The following FGGY variants were observed in gnomAD, a reference collection of about 807,000 sequenced individuals.
The protein encoded by FGGY is FGGY carbohydrate kinase domain-containing protein.
Under a neutral mutation model 71.3 loss-of-function variants are expected in FGGY, and 72 were observed. That is an observed-to-expected ratio of 1.01 (90% CI 0.84 to 1.23). FGGY has a LOEUF of 1.23. FGGY is among the 50% of genes most tolerant of loss of function. The probability of loss-of-function intolerance (pLI) is 0.00; values close to 1 mark genes in which losing one functional copy is unlikely to be tolerated. For synonymous variants in FGGY, 251 were observed against 250.3 expected, an observed-to-expected ratio of 1.00 and a Z score of -0.02; for missense variants, 668 against 682.3, an observed-to-expected ratio of 0.98 and a Z score of 0.23.
At position 59,653,327 on chromosome 1, in the gene FGGY, C is replaced by T. The variant is rs1434010385; in HGVS notation, c.1222-6892C>T. On this transcript the variant is annotated intron_variant, in intron 11 of 15. Transcript: ENST00000303721. ...CTTTGTTTACCTAAGCAAGCCTGGG[C>T]AATGGCGGGCGCCCCTCCCCCAGCC... is the stretch of plus-strand genomic sequence containing the variant. 3.3e-5 allele frequency among the ~76,000 whole-genome samples: 5 copies of T among 152,340 alleles called. No individual in the cohort carries two copies. The South Asian group carries it at 6.2e-4, about 19-fold the overall frequency.
intron 13 of FGGY, among the ~76,000 whole-genome samples, chr1:59,672,710 G>A (rs986143245): frequency 1.3e-5 from 2 of 152,206 alleles, no homozygotes; most frequent in Admixed American, 1.3e-4. Context: ...GGGATGTAGA[G>A]AGAGTGTCTT....
intron 1 of FGGY, among the ~76,000 whole-genome samples, chr1:59,306,781 G>A (rs1488427640): frequency 1.3e-5 from 2 of 152,226 alleles, no homozygotes; most frequent in Non-Finnish European, 2.9e-5. Flanking sequence ...AGTGACATAT[G>A]TATAGAGTGC....
chr1:59,570,668 C>T (rs1198644170), intron 8 of FGGY, among the ~76,000 whole-genome samples: 7 of 152,070 alleles, frequency 4.6e-5, no homozygotes, highest in Non-Finnish European at 2.9e-5. Context: ...CACACCAGGA[C>T]GCAACAGGAA....
At chr1:59,352,160 T>C (rs935699200) in intron 4 of FGGY, among the ~76,000 whole-genome samples, 1 of 152,168 alleles carries the variant, frequency 6.6e-6, no homozygotes, top group African/African-American at 2.4e-5. Context: ...CAAATGTAAA[T>C]TAAGTTCTGT....
At chr1:59,617,411 T>TA (rs908757758) in intron 9 of FGGY, among the ~76,000 whole-genome samples, 53 of 152,180 alleles carry the variant, frequency 3.5e-4, no homozygotes, top group African/African-American at 1.2e-3. Context: ...TTTGTATTTT[T>TA]AAAAAAAATC....
At chr1:59,537,204 C>T (rs1157863038) in intron 7 of FGGY, among the ~76,000 whole-genome samples, 3 of 151,648 alleles carry the variant, frequency 2.0e-5, no homozygotes, top group Non-Finnish European at 4.4e-5. Context: ...ACACCAATAA[C>T]AGACAAACAG....
At chr1:59,706,002 C>T (rs1267402348) in intron 14 of FGGY, among the ~76,000 whole-genome samples, 2 of 152,176 alleles carry the variant, frequency 1.3e-5, no homozygotes, top group Non-Finnish European at 2.9e-5. Flanking sequence ...ACACCTACAC[C>T]ATTGCTCAAT....
At chr1:59,608,871 C>G (rs1339694189) in intron 9 of FGGY, among the ~76,000 whole-genome samples, 1 of 152,170 alleles carries the variant, frequency 6.6e-6, no homozygotes, top group Admixed American at 6.5e-5. Context: ...GACAAGTTCT[C>G]TTTGTATCCA....
At chr1:59,684,272 T>A (rs1388520930) in intron 14 of FGGY, among the ~76,000 whole-genome samples, 1 of 152,222 alleles carries the variant, frequency 6.6e-6, no homozygotes, top group East Asian at 1.9e-4. Flanking sequence ...CTCAGCCACT[T>A]ACCTTGGGTG....
rs1288521926 is a variant in FGGY at position 59,757,911 on chromosome 1, T to C, written c.1513-20T>C. 1.2e-6 allele frequency: 2 copies of C among 1,603,400 alleles called. No individual in the cohort carries two copies. Among genetic ancestry groups the C allele is most frequent in the East Asian group, 2.2e-5 (1 of 44,782 alleles). ...TTTCGCTTTCCAACTCAGCTGTCTA[T>C]GTTGTTTTCCATTTAATAGGAAGCA... On this transcript the variant is annotated intron_variant, in intron 14 of 15. Coordinates refer to ENST00000303721, the MANE Select transcript of FGGY (RefSeq NM_018291.5).
At chr1:59,638,475 A>G in intron 11 of FGGY, 100 bp downstream of exon 11, 4 of 1,382,304 alleles carry the variant, frequency 2.9e-6, no homozygotes, top group Non-Finnish European at 4.0e-6. Context: ...AAAAAATAAA[A>G]CAGGCCAACA....
chr1:59,609,914 G>A (rs1467877554), intron 9 of FGGY, among the ~76,000 whole-genome samples: 2 of 152,130 alleles, frequency 1.3e-5, no homozygotes, highest in South Asian at 2.1e-4. Flanking sequence ...ATACTTGGAT[G>A]GGGAATCCCT....
At chr1:59,427,420 C>T (rs1212476246) in intron 5 of FGGY, among the ~76,000 whole-genome samples, 2 of 152,184 alleles carry the variant, frequency 1.3e-5, no homozygotes, top group Non-Finnish European at 2.9e-5. Flanking sequence ...GAATGAGACA[C>T]GAGATGGCGG....
At chr1:59,468,489 G>T in intron 6 of FGGY, among the ~76,000 whole-genome samples, 1 of 152,098 alleles carries the variant, frequency 6.6e-6, no homozygotes, top group East Asian at 1.9e-4. Flanking sequence ...GAAAGGTTGG[G>T]CATTTCACTT....
intron 6 of FGGY, among the ~76,000 whole-genome samples, chr1:59,505,391 C>G (rs562184080): frequency 6.6e-6 from 1 of 152,308 alleles, no homozygotes; most frequent in South Asian, 2.1e-4. Flanking sequence ...TTTCCCCACC[C>G]CTAAACCAGA....
chr1:59,618,532 A>G (rs1194013520), intron 9 of FGGY, among the ~76,000 whole-genome samples: 4 of 152,154 alleles, frequency 2.6e-5, no homozygotes, highest in African/African-American at 9.7e-5. Flanking sequence ...TTCTTTGAGA[A>G]GCAACTGTTG....
chr1:59,641,841 G>A (rs1037742527), intron 11 of FGGY, among the ~76,000 whole-genome samples: 1 of 152,164 alleles, frequency 6.6e-6, no homozygotes, highest in Non-Finnish European at 1.5e-5. Flanking sequence ...TGTGGAAACA[G>A]TTTGGACCTC....
chr1:59,437,046 A>G (rs1347032036), intron 5 of FGGY, among the ~76,000 whole-genome samples: 1 of 152,018 alleles, frequency 6.6e-6, no homozygotes, highest in African/African-American at 2.4e-5. Context: ...AAGGATCCAG[A>G]CCCTAGGATG....
At chr1:59,378,885 A>T (rs2059008183) in intron 5 of FGGY, 48 bp downstream of exon 5, 3 of 1,462,748 alleles carry the variant, frequency 2.1e-6, no homozygotes, top group Non-Finnish European at 2.9e-6. Context: ...CCATTCTTGG[A>T]TGTCTGTCTA....
Sources: gnomAD v4.1 joint callset for allele counts (sites outside exome capture counted in the v4.1 genomes callset) on GRCh38, gnomAD v4.1.1 for gene constraint, MANE v1.5 for transcripts, NCBI Gene and HGNC (gene_info 2026-07-23, HGNC 2026-07-21) for gene names.